The following CRY2 variants were observed in gnomAD, a reference collection of about 807,000 sequenced individuals.
CRY2 encodes the protein cryptochrome circadian regulator 2, also known as cryptochrome-2.
CRY2 carries 31 observed loss-of-function variants against 69.5 expected under a neutral mutation model. The observed-to-expected ratio is 0.45, with a 90% CI of 0.34 to 0.60. The LOEUF is 0.60. Ranked by LOEUF, CRY2 falls within the 20% of genes least tolerant of loss-of-function variation. CRY2 has a pLI of 0.02. For synonymous variants in CRY2, 303 were observed against 312.2 expected (o/e 0.97, Z 0.31); for missense variants, 606 against 797.8 (o/e 0.76, Z 2.90).
intron 3 of CRY2, among the ~76,000 whole-genome samples, chr11:45,860,629 C>T (rs779628049): frequency 2.0e-5 from 3 of 152,148 alleles, no homozygotes; most frequent in African/African-American, 4.8e-5. Context: ...TGCTCCATTA[C>T]TGAGGCACCT....
At chr11:45,860,594 T>C (rs184086667) in intron 3 of CRY2, among the ~76,000 whole-genome samples, 2 of 152,230 alleles carry the variant, frequency 1.3e-5, no homozygotes, top group African/African-American at 4.8e-5. Context: ...GAGCCCGGAA[T>C]TGAGTCCCAG....
intron 3 of CRY2, 122 bp downstream of exon 3, chr11:45,858,995 T>C (rs1277352692): frequency 2.4e-6 from 3 of 1,236,162 alleles, no homozygotes; most frequent in Non-Finnish European, 3.4e-6. Context: ...CATGGCATCT[T>C]CTAGAAGCTG....
At chr11:45,870,760 AC>A in intron 9 of CRY2, 81 bp from the exon 10 acceptor site, 2 of 1,261,658 alleles carry the variant, frequency 1.6e-6, no homozygotes, top group South Asian at 1.3e-5. Flanking sequence ...TACCCTCCCC[AC>A]CCCCACTTGC....
rs554212212 is a variant in CRY2, at chr11:45,858,531, G to A, written c.325-200G>A. ...CCACTGTTGCTGTGCTGTTGGCTTCGCCACACTGCCTGCCCTCCTCAAACT... is the reference window on the plus strand; with the variant it reads ...CCACTGTTGCTGTGCTGTTGGCTTCACCACACTGCCTGCCCTCCTCAAACT... On this transcript the variant is annotated intron_variant, in intron 2 of 11. Coordinates refer to ENST00000616080, the MANE Select transcript of CRY2 (RefSeq NM_021117.5). The A allele has an allele frequency of 1.7e-4, 97 of 585,090 alleles. 1 individual carries two copies. The highest frequency in any genetic ancestry group is 1.0e-3 in the African/African-American group (54 of 53,630). The allele number at this position is 585,090 out of a possible 1,614,324, so 36.2% of individuals were successfully genotyped here.
intron 11 of CRY2, among the ~76,000 whole-genome samples, chr11:45,876,070 A>T (rs763067029): frequency 2.6e-5 from 4 of 152,016 alleles, no homozygotes; most frequent in Admixed American, 6.6e-5. Context: ...TGGCAGGGAG[A>T]CTTGCCCCTC....
At chr11:45,870,269 C>T in intron 8 of CRY2, 61 bp from the exon 9 acceptor site, 1 of 1,612,872 alleles carries the variant, frequency 6.2e-7, no homozygotes, top group Non-Finnish European at 8.5e-7. Context: ...ATGGGATACC[C>T]TGGGCCTTTT....
intron 6 of CRY2, 167 bp downstream of exon 6, chr11:45,867,919 C>G: frequency 1.2e-6 from 1 of 852,690 alleles, no homozygotes; most frequent in Non-Finnish European, 1.8e-6. Context: ...ACTCAATATC[C>G]AAGAGGGCAG....
intron 2 of CRY2, chr11:45,858,448 C>G: frequency 2.9e-6 from 1 of 340,340 alleles, no homozygotes; most frequent in Non-Finnish European, 5.4e-6. Context: ...CCTCCTGCTG[C>G]ATTCTCCTAC....
At chr11:45,859,385 A>G (rs1490097774) in intron 3 of CRY2, among the ~76,000 whole-genome samples, 1 of 151,646 alleles carries the variant, frequency 6.6e-6, no homozygotes, top group Non-Finnish European at 1.5e-5. Flanking sequence ...ACATAGTGAG[A>G]CCCCCGTCTC....
chr11:45,872,254 T>C (rs1565063450), intron 11 of CRY2, 21 bp downstream of exon 11: 1 of 1,610,362 alleles, frequency 6.2e-7, no homozygotes, highest in East Asian at 2.2e-5. Context: ...GCAGCCTAGA[T>C]TCAACCTCAG....
intron 1 of CRY2, among the ~76,000 whole-genome samples, chr11:45,854,936 T>G (rs2086227750): frequency 6.6e-6 from 1 of 152,254 alleles, no homozygotes; most frequent in South Asian, 2.1e-4. Flanking sequence ...ATCCCATTGA[T>G]AACCTTGGTT....
chr11:45,879,518 A>G, intron 11 of CRY2, among the ~76,000 whole-genome samples: 1 of 152,240 alleles, frequency 6.6e-6, no homozygotes, highest in East Asian at 1.9e-4. Flanking sequence ...TTCTTCTCTA[A>G]AAGTCTTAAT....
In CRY2 at chr11:45,867,571, A is replaced by T. The variant is rs113196716; in HGVS notation, c.742-41A>T. On this transcript the variant is annotated intron_variant, in intron 5 of 11. Coordinates refer to ENST00000616080, the MANE Select transcript of CRY2 (RefSeq NM_021117.5). Reference sequence around the variant, plus strand: ...ATGCCTCCATTTTTTCCTCTGTTACATCCAAGCCTTTCCTTTTGCCACCTT... The same window carrying T: ...ATGCCTCCATTTTTTCCTCTGTTACTTCCAAGCCTTTCCTTTTGCCACCTT... The T allele has an allele frequency of 0.037, 59,492 of 1,613,142 alleles. 1,316 individuals are homozygous for T. Among genetic ancestry groups the T allele is most frequent in the South Asian group, 0.045 (4,132 of 91,052 alleles).
At chr11:45,847,260 C>G (rs1189272201), upstream of CRY2, 1 of 1,551,872 alleles carries the variant, frequency 6.4e-7, no homozygotes, top group Admixed American at 2.0e-5. Context: ...ATGCCAGCTC[C>G]ACCCGGGCGG....
At chr11:45,850,258 T>TG (rs774003122) in intron 1 of CRY2, among the ~76,000 whole-genome samples, 57 of 152,104 alleles carry the variant, frequency 3.7e-4, no homozygotes, top group Non-Finnish European at 7.6e-4. Context: ...ATCACCTGCG[T>TG]CAACCTCCCG....
chr11:45,869,398 G>A (rs2086356203), intron 6 of CRY2, 108 bp from the exon 7 acceptor site: 3 of 1,190,334 alleles, frequency 2.5e-6, no homozygotes, highest in Non-Finnish European at 3.5e-6. Context: ...TGGCAGCTGA[G>A]CCACTAGGTC....
rs749639154 is a variant in CRY2 at position 45,862,170 on chromosome 11, C to A, written c.741+22C>A. On this transcript the variant is annotated intron_variant, in intron 5 of 11. Transcript: ENST00000616080. ...GAAGGTATGGGCCGTTTCTGAGACA[C>A]AGAGCTGCAGATACTGATATCCACA... 2.7e-5 allele frequency: 44 copies of A among 1,604,328 alleles called. No individual in the cohort carries two copies. The Admixed American group carries it at 7.3e-4, about 27-fold the overall frequency.
At chr11:45,856,520 G>A (rs991231086) in intron 2 of CRY2, among the ~76,000 whole-genome samples, 4 of 152,214 alleles carry the variant, frequency 2.6e-5, no homozygotes, top group Non-Finnish European at 5.9e-5. Flanking sequence ...TTTTCTGCCG[G>A]GCGAGGTGGC....
chr11:45,852,404 A>G (rs896020401), intron 1 of CRY2, among the ~76,000 whole-genome samples: 1 of 152,212 alleles, frequency 6.6e-6, no homozygotes, highest in Non-Finnish European at 1.5e-5. Flanking sequence ...GAAAGAATGC[A>G]TATACCTGCC....
Sources: allele counts gnomAD v4.1 joint callset (sites outside exome capture counted in the v4.1 genomes callset), GRCh38; gene constraint gnomAD v4.1.1; transcripts MANE v1.5; gene names NCBI Gene and HGNC (gene_info 2026-07-23, HGNC 2026-07-21).